The following CASD1 variants were observed in gnomAD, a reference collection of about 807,000 sequenced individuals.
CASD1 encodes the protein CAS1 domain sialic acid O acetyltransferase 1.
Under a neutral mutation model 100.0 loss-of-function variants are expected in CASD1, and 41 were observed. That is an observed-to-expected ratio of 0.41 (90% CI 0.32 to 0.53). The LOEUF (loss-of-function observed/expected upper bound fraction) is 0.53. Ranked by LOEUF, CASD1 falls within the 20% of genes least tolerant of loss-of-function variation. The probability of loss-of-function intolerance (pLI) is 0.25; values close to 1 mark genes in which losing one functional copy is unlikely to be tolerated. For synonymous variants in CASD1, 321 were observed against 315.6 expected (o/e 1.02, Z -0.18); for missense variants, 774 against 948.7 (o/e 0.82, Z 2.42).
chr7:94,607,095 G>GA, the CASD1 span, among the ~76,000 whole-genome samples: 41 of 146,672 alleles, frequency 2.8e-4, no homozygotes, highest in South Asian at 6.5e-4. Flanking sequence ...GTAAGCAGAA[G>GA]AAAAAAAAAA....
At chr7:94,545,825 T>A (rs1562947348) in intron 12 of CASD1, 124 bp downstream of exon 12, 1 of 566,032 alleles carries the variant, frequency 1.8e-6, no homozygotes, top group Non-Finnish European at 2.9e-6. Flanking sequence ...TATGTAGTTT[T>A]AACATTTTGA....
intron 8 of CASD1, among the ~76,000 whole-genome samples, chr7:94,535,865 C>T (rs907951909): frequency 6.6e-6 from 1 of 152,208 alleles, no homozygotes; most frequent in Non-Finnish European, 1.5e-5. Context: ...CTATGTTCCC[C>T]TTACCTTAAA....
At chr7:94,594,075 T>C in the CASD1 span, among the ~76,000 whole-genome samples, 4 of 152,096 alleles carry the variant, frequency 2.6e-5, no homozygotes, top group Non-Finnish European at 1.5e-5. Flanking sequence ...TGACGTTCCT[T>C]TGATGACCTA....
the CASD1 span, among the ~76,000 whole-genome samples, chr7:94,582,235 A>G: frequency 6.6e-6 from 1 of 152,154 alleles, no homozygotes; most frequent in Non-Finnish European, 1.5e-5. Flanking sequence ...CTCTTGCCTC[A>G]GCCTTCCAAG....
Position 94,556,795 on chromosome 7 carries a change from A to T in CASD1, c.*1037A>T, listed in dbSNP as rs551724609. On this transcript the variant is annotated 3_prime_UTR_variant, in exon 18 of 18. Coordinates refer to ENST00000297273, the MANE Select transcript of CASD1 (RefSeq NM_022900.5). ...TTGTTTGATTTTTTTTTACAAGCTA[A>T]CTGTTAGAGGTATACATTTATTTAT... 2 of 152,070 alleles carry T rather than the reference A, an allele frequency of 1.3e-5. No homozygotes were observed. The highest frequency in any genetic ancestry group is 4.2e-4 in the South Asian group (2 of 4,810). The allele number at this position is 152,070 out of a possible 1,614,324, so 9.4% of individuals were successfully genotyped here.
the CASD1 span, chr7:94,598,943 C>A: frequency 6.2e-7 from 1 of 1,613,714 alleles, no homozygotes; most frequent in South Asian, 1.1e-5. Flanking sequence ...CTGAATAGCA[C>A]TGTGATGGAC....
At chr7:94,605,568 C>G in the CASD1 span, among the ~76,000 whole-genome samples, 6 of 151,848 alleles carry the variant, frequency 4.0e-5, no homozygotes, top group African/African-American at 1.5e-4. Context: ...CATAAGATAC[C>G]TGCAATACCT....
the CASD1 span, among the ~76,000 whole-genome samples, chr7:94,593,173 A>G: frequency 3.9e-5 from 6 of 152,158 alleles, no homozygotes; most frequent in Non-Finnish European, 7.4e-5. Flanking sequence ...ACTGTCTTCA[A>G]TTAGAAGACT....
intron 1 of CASD1, among the ~76,000 whole-genome samples, chr7:94,517,209 G>A (rs1794022135): frequency 6.6e-6 from 1 of 151,944 alleles, no homozygotes; most frequent in South Asian, 2.1e-4. Context: ...TGGCCTCCCT[G>A]AAACTTTTCA....
At position 94,537,830 on chromosome 7, in the gene CASD1, C is replaced by T; in HGVS notation, c.1202C>T (p.Ser401Phe). ...MKENKFYTHSSFFIPIIYILV... is the reference protein window; with the variant it reads ...MKENKFYTHSFFFIPIIYILV... ...GAAAACAAATTTTATACACATTCATCTTTCTTTATTCCAATTATCTACATT... is the reference window on the plus strand; with the variant it reads ...GAAAACAAATTTTATACACATTCATTTTTCTTTATTCCAATTATCTACATT... Residue 401 changes from serine to phenylalanine, a missense_variant, in exon 9 of 18, where the codon TCT becomes TTT. Coordinates refer to ENST00000297273, the MANE Select transcript of CASD1 (RefSeq NM_022900.5). 6.3e-7 allele frequency: 1 copy of T among 1,586,734 alleles called. No homozygotes were observed. The highest frequency in any genetic ancestry group is 8.7e-7 in the Non-Finnish European group (1 of 1,155,518).
chr7:94,537,589 A>C lies in CASD1; in HGVS notation c.961A>C (p.Thr321Pro). The C allele has an allele frequency of 6.2e-7, 1 of 1,613,736 alleles. No individual in the cohort carries two copies. Among genetic ancestry groups the C allele is most frequent in the Non-Finnish European group, 8.5e-7 (1 of 1,179,814 alleles). Reference protein sequence around the residue: ...LIQKLAACFFTLSIIGYLIFY... With the variant: ...LIQKLAACFFPLSIIGYLIFY... Reference sequence around the variant, plus strand: ...ACAGAAGCTAGCTGCTTGTTTTTTCACTTTATCTATTATCGGATATTTAAT... The same window carrying C: ...ACAGAAGCTAGCTGCTTGTTTTTTCCCTTTATCTATTATCGGATATTTAAT... Residue 321 changes from threonine to proline, a missense_variant, in exon 9 of 18, where the codon ACT (threonine) becomes CCT (proline). This residue lies in a region of CASD1 where 453 missense variants were observed against 532.6 expected (regional missense o/e 0.85). Transcript: ENST00000297273.
chr7:94,532,197 T>C (rs1316050325), intron 5 of CASD1, among the ~76,000 whole-genome samples: 1 of 152,150 alleles, frequency 6.6e-6, no homozygotes, highest in Non-Finnish European at 1.5e-5. Flanking sequence ...CCAAACCCTA[T>C]GTGTACAATG....
At chr7:94,535,166 G>C in intron 7 of CASD1, 143 bp from the exon 8 acceptor site, 1 of 607,664 alleles carries the variant, frequency 1.6e-6, no homozygotes, top group Non-Finnish European at 2.8e-6. Flanking sequence ...GAAGCTTTGC[G>C]TAAAAATGAA....
the CASD1 span, among the ~76,000 whole-genome samples, chr7:94,583,151 C>T: frequency 6.6e-6 from 1 of 152,186 alleles, no homozygotes; most frequent in African/African-American, 2.4e-5. Context: ...ATTTAATTTT[C>T]TTCTAAGTAT....
At chr7:94,613,144 G>A in the CASD1 span, among the ~76,000 whole-genome samples, 2 of 152,152 alleles carry the variant, frequency 1.3e-5, no homozygotes, top group Non-Finnish European at 2.9e-5. Flanking sequence ...CAGATGTCAT[G>A]CTCAGAAGCA....
intron 16 of CASD1, 75 bp from the exon 17 acceptor site, chr7:94,554,408 T>G (rs1441154839): frequency 1.1e-6 from 1 of 932,846 alleles, no homozygotes; most frequent in African/African-American, 1.7e-5. Context: ...AAGGTTATCA[T>G]TTAAAAGAAA....
intron 8 of CASD1, among the ~76,000 whole-genome samples, chr7:94,535,898 T>G (rs999985086): frequency 1.3e-5 from 2 of 152,314 alleles, no homozygotes; most frequent in African/African-American, 4.8e-5. Flanking sequence ...AAGATTAAGC[T>G]TCAATGAAGA....
chr7:94,622,028 G>A, the CASD1 span: 1 of 118,282 alleles, frequency 8.5e-6, no homozygotes, highest in Non-Finnish European at 1.7e-5. Context: ...GGGGGTTTAA[G>A]TGTTCAAGCA....
At chr7:94,533,893 C>T in intron 7 of CASD1, 91 bp downstream of exon 7, 1 of 1,155,458 alleles carries the variant, frequency 8.7e-7, no homozygotes, top group Non-Finnish European at 1.2e-6. Flanking sequence ...AGAATTACTG[C>T]TTTATGAGAA....
Sources: allele counts gnomAD v4.1 joint callset (sites outside exome capture counted in the v4.1 genomes callset), GRCh38; gene constraint gnomAD v4.1.1; regional missense constraint gnomAD v4.1.1; transcripts MANE v1.5; gene names NCBI Gene and HGNC (gene_info 2026-07-23, HGNC 2026-07-21).